The following LAMP2 variants were observed in gnomAD, a reference collection of about 807,000 sequenced individuals.
LAMP2 encodes the protein lysosome-associated membrane glycoprotein 2.
LAMP2 carries 4 observed loss-of-function variants against 25.6 expected under a neutral mutation model. That is an observed-to-expected ratio of 0.16 (90% CI 0.08 to 0.36). LAMP2 has a LOEUF of 0.36. Among genes scored for constraint, LAMP2 ranks in the 10% least tolerant of loss-of-function variants. The probability of loss-of-function intolerance (pLI) is 1.00; values close to 1 mark genes in which losing one functional copy is unlikely to be tolerated. For synonymous variants in LAMP2, 108 were observed against 112.7 expected (o/e 0.96, Z 0.27); for missense variants, 272 against 301.4 (o/e 0.90, Z 0.72).
At chrX:120,450,208 T>C (rs1206427331) in intron 3 of LAMP2, among the ~76,000 whole-genome samples, 1 of 111,976 alleles carries the variant, frequency 8.9e-6, no homozygotes, top group Non-Finnish European at 1.9e-5. Context: ...ATATAGTTTT[T>C]ATTAGCCTGT....
chrX:120,442,998 T>C (rs940508735), intron 6 of LAMP2, among the ~76,000 whole-genome samples: 10 of 111,343 alleles, frequency 9.0e-5, no homozygotes, highest in African/African-American at 3.3e-4. Context: ...GCTCCCTGCC[T>C]TTCAGCCCCT....
At chrX:120,434,474 A>G (rs1023803765) in intron 8 of LAMP2, among the ~76,000 whole-genome samples, 1 of 112,211 alleles carries the variant, frequency 8.9e-6, no homozygotes, top group Non-Finnish European at 1.9e-5. Context: ...AATGGAAAAA[A>G]TGTTGGTAAA....
intron 6 of LAMP2, among the ~76,000 whole-genome samples, chrX:120,443,937 C>T (rs1458663517): frequency 1.9e-5 from 2 of 107,001 alleles, no homozygotes; most frequent in African/African-American, 6.9e-5. Context: ...GCTGAGGTCT[C>T]GCTACTGCAC....
At chrX:120,466,058 A>G (rs997363684) in intron 1 of LAMP2, among the ~76,000 whole-genome samples, 16 of 111,595 alleles carry the variant, frequency 1.4e-4, no homozygotes, top group African/African-American at 5.2e-4. Context: ...ATTAATATTT[A>G]CTTTTCCAAA....
intron 5 of LAMP2, among the ~76,000 whole-genome samples, chrX:120,446,822 G>A (rs2072068): frequency 0.33 from 36,104 of 110,759 alleles, 4,627 homozygotes; most frequent in Middle Eastern, 0.45. Flanking sequence ...TACACGATCC[G>A]AGTAATCAAA....
At chrX:120,453,316 T>C (rs1317359758) in intron 3 of LAMP2, among the ~76,000 whole-genome samples, 1 of 112,116 alleles carries the variant, frequency 8.9e-6, no homozygotes, top group Non-Finnish European at 1.9e-5. Flanking sequence ...TATTTACTTC[T>C]GGTTCTTTCG....
intron 3 of LAMP2, among the ~76,000 whole-genome samples, chrX:120,451,715 C>T (rs938949203): frequency 1.8e-5 from 2 of 111,625 alleles, no homozygotes; most frequent in South Asian, 7.4e-4. Flanking sequence ...ATCCACCAGC[C>T]TCAGCCTCCC....
intron 1 of LAMP2, among the ~76,000 whole-genome samples, chrX:120,465,848 C>G (rs1440571936): frequency 8.9e-6 from 1 of 111,738 alleles, no homozygotes; most frequent in Non-Finnish European, 1.9e-5. Flanking sequence ...TTTCAAAAAC[C>G]TATTATTGGT....
chrX:120,464,531 C>T (rs1049319238), intron 1 of LAMP2, among the ~76,000 whole-genome samples: 2 of 111,335 alleles, frequency 1.8e-5, no homozygotes, highest in African/African-American at 6.5e-5. Flanking sequence ...GGAAAATAGG[C>T]TAGTAACCTA....
intron 3 of LAMP2, 92 bp from the exon 4 acceptor site, chrX:120,449,220 G>A (rs773921986): frequency 8.0e-5 from 57 of 712,273 alleles, no homozygotes; most frequent in Non-Finnish European, 1.1e-4. Context: ...TCTTCTCTCT[G>A]CCTGCCCTAC....
intron 3 of LAMP2, among the ~76,000 whole-genome samples, chrX:120,452,239 C>T (rs2058624326): frequency 9.0e-6 from 1 of 111,721 alleles, no homozygotes; most frequent in Non-Finnish European, 1.9e-5. Context: ...GCTTCCAAGG[C>T]CCCCTATAAT....
chrX:120,426,779 TAACA>T lies in LAMP2; in HGVS notation c.*4540_*4543del, dbSNP rs1602524415. Reference sequence around the variant, plus strand: ...ACATCATTTTAACCAAATGCTTTTATAACAAATAAGCAGTTGTTCTCAAAAGAGA... The same window carrying T: ...ACATCATTTTAACCAAATGCTTTTATAATAAGCAGTTGTTCTCAAAAGAGA... On this transcript the variant is annotated 3_prime_UTR_variant, in exon 9 of 9. Transcript: ENST00000200639. Among the ~76,000 whole-genome samples, 1 of 112,251 alleles carries T rather than the reference TAACA, an allele frequency of 8.9e-6. No homozygotes were observed. The highest frequency in any genetic ancestry group is 3.2e-5 in the African/African-American group (1 of 30,912).
chrX:120,437,058 A>C (rs1418382447), intron 8 of LAMP2: 1 of 743,225 alleles, frequency 1.3e-6, no homozygotes, highest in Non-Finnish European at 1.6e-6. Context: ...ACACAGTTTA[A>C]ATTAAAAACG....
chrX:120,431,530 T>A, intron 8 of LAMP2, 68 bp from the exon 9 acceptor site: 1 of 1,037,010 alleles, frequency 9.6e-7, no homozygotes, highest in Non-Finnish European at 1.4e-6. Flanking sequence ...GTATTTTGAG[T>A]AAAATGACAG....
chrX:120,456,520 T>C (rs972863385), intron 2 of LAMP2, 131 bp downstream of exon 2: 1 of 415,266 alleles, frequency 2.4e-6, no homozygotes, highest in Non-Finnish European at 4.3e-6. Flanking sequence ...GTGTGTATGC[T>C]TAAAAAAAAT....
rs898269635 is a variant in LAMP2, at chrX:120,449,250, A to G, written c.398-122T>C. 5.4e-5 allele frequency: 29 copies of G among 533,675 alleles called. No homozygotes were observed. In the African/African-American group the frequency reaches 5.8e-4, roughly 11 times the overall value. The allele number at this position is 533,675 out of a possible 1,213,427, so 44.0% of individuals were successfully genotyped here. On this transcript the variant is annotated intron_variant, in intron 3 of 8. Transcript: ENST00000200639. ...CCCTACCCCAGGCACAAAGTGACAAAGGATATAGCATGCTTAAGGGCATGA... is the reference window on the plus strand; with the variant it reads ...CCCTACCCCAGGCACAAAGTGACAAGGGATATAGCATGCTTAAGGGCATGA...
Position 120,430,210 on chromosome X carries a change from G to A in LAMP2, c.*1113C>T. On this transcript the variant is annotated 3_prime_UTR_variant, in exon 9 of 9. Coordinates refer to ENST00000200639, the MANE Select transcript of LAMP2 (RefSeq NM_002294.3). The stretch of plus-strand genomic sequence containing the variant: ...CCTTCCTTCTTTATCTATGTTTCAT[G>A]TCTGTGCTACTCTTATACCATGGAA... 2.7e-6 allele frequency: 2 copies of A among 753,864 alleles called. No individual in the cohort carries two copies. The highest frequency in any genetic ancestry group is 3.1e-6 in the Non-Finnish European group (2 of 638,799). The allele number at this position is 753,864 out of a possible 1,213,427, so 62.1% of individuals were successfully genotyped here. A position where few individuals can be genotyped will look rare whatever the true frequency, so the allele number is the denominator to read the frequency against.
chrX:120,450,579 T>C (rs887403708), intron 3 of LAMP2, among the ~76,000 whole-genome samples: 2 of 111,801 alleles, frequency 1.8e-5, no homozygotes, highest in African/African-American at 6.5e-5. Context: ...TTAAACTATG[T>C]ATTGTTTATG....
intron 8 of LAMP2, chrX:120,438,503 A>C (rs1229172365): frequency 2.7e-6 from 2 of 739,389 alleles, no homozygotes; most frequent in African/African-American, 4.7e-5. Context: ...ACCTACTCTA[A>C]ATTTTAAAAA....
Sources: allele counts gnomAD v4.1 joint callset (sites outside exome capture counted in the v4.1 genomes callset), GRCh38; gene constraint gnomAD v4.1.1; transcripts MANE v1.5; gene names NCBI Gene and HGNC (gene_info 2026-07-23, HGNC 2026-07-21).